CNBD1: variants seen among roughly 807,000 people sequenced by gnomAD.
CNBD1 encodes the protein cyclic nucleotide-binding domain-containing protein 1.
CNBD1 carries 71 observed loss-of-function variants against 54.4 expected under a neutral mutation model. The ratio of observed to expected loss-of-function variants is 1.30; its 90% confidence interval spans 1.08 to 1.59. The LOEUF (loss-of-function observed/expected upper bound fraction) is 1.59. Among genes scored for constraint, CNBD1 ranks in the 40% most tolerant of loss-of-function variants. CNBD1 has a pLI of 0.00. For synonymous variants in CNBD1, 182 were observed against 170.7 expected (o/e 1.07, Z -0.51); for missense variants, 659 against 518.0 (o/e 1.27, Z -2.64).
chr8:86,977,181 T>G (rs1182959187), intron 4 of CNBD1, among the ~76,000 whole-genome samples: 1 of 152,080 alleles, frequency 6.6e-6, no homozygotes, highest in Non-Finnish European at 1.5e-5. Flanking sequence ...GCCTTTATAG[T>G]GTTGGGGAAC....
intron 10 of CNBD1, among the ~76,000 whole-genome samples, chr8:87,365,842 C>T (rs778351690): frequency 3.2e-4 from 48 of 152,164 alleles, no homozygotes; most frequent in Non-Finnish European, 6.6e-4. Context: ...TTACAACTCA[C>T]AGGAAGCATT....
At chr8:87,132,391 G>A (rs2130727872) in intron 4 of CNBD1, among the ~76,000 whole-genome samples, 1 of 151,538 alleles carries the variant, frequency 6.6e-6, no homozygotes, top group South Asian at 2.1e-4. Context: ...AGTTAATAAA[G>A]TGAATATTTC....
intron 4 of CNBD1, among the ~76,000 whole-genome samples, chr8:87,121,923 T>C (rs966167950): frequency 1.3e-5 from 2 of 151,506 alleles, no homozygotes; most frequent in African/African-American, 2.4e-5. Flanking sequence ...ATATAATTTA[T>C]TGTCATATAT....
At chr8:87,218,997 G>T (rs1233922397) in intron 5 of CNBD1, among the ~76,000 whole-genome samples, 3 of 151,834 alleles carry the variant, frequency 2.0e-5, no homozygotes, top group East Asian at 1.9e-4. Context: ...CAAAGGCTTT[G>T]ATTTTAATAT....
At chr8:87,042,319 A>G (rs1383196247) in intron 4 of CNBD1, among the ~76,000 whole-genome samples, 2 of 152,216 alleles carry the variant, frequency 1.3e-5, no homozygotes, top group African/African-American at 4.8e-5. Flanking sequence ...CAAAGATACA[A>G]ATGAGCCATC....
At chr8:86,956,908 A>C (rs902949783) in intron 4 of CNBD1, among the ~76,000 whole-genome samples, 1 of 152,176 alleles carries the variant, frequency 6.6e-6, no homozygotes, top group African/African-American at 2.4e-5. Flanking sequence ...GTCTTGTGCC[A>C]GTTTTCAAAG....
intron 4 of CNBD1, among the ~76,000 whole-genome samples, chr8:86,949,028 C>T (rs934887170): frequency 6.6e-6 from 1 of 152,028 alleles, no homozygotes; most frequent in African/African-American, 2.4e-5. Flanking sequence ...CAGTGTATTT[C>T]TTGGTACCGT....
chr8:87,025,466 A>G (rs60811434), intron 4 of CNBD1, among the ~76,000 whole-genome samples: 4,622 of 151,854 alleles, frequency 0.03, 242 homozygotes, highest in African/African-American at 0.1. Flanking sequence ...AAACCCAGTG[A>G]GTGGAACAAA....
chr8:86,926,516 C>T (rs2131830058), intron 3 of CNBD1, among the ~76,000 whole-genome samples: 1 of 152,210 alleles, frequency 6.6e-6, no homozygotes, highest in Middle Eastern at 3.4e-3. Context: ...TGTCATGGGA[C>T]CTAGAAAGGG....
At chr8:87,352,077 T>A (rs1810309259) in intron 9 of CNBD1, among the ~76,000 whole-genome samples, 1 of 152,162 alleles carries the variant, frequency 6.6e-6, no homozygotes, top group Admixed American at 6.6e-5. Flanking sequence ...CATAGCCAGG[T>A]ACTACTACAA....
At chr8:87,351,929 G>C in intron 9 of CNBD1, 135 bp downstream of exon 9, 3 of 937,650 alleles carry the variant, frequency 3.2e-6, no homozygotes, top group Non-Finnish European at 4.3e-6. Flanking sequence ...TGAAATTTTT[G>C]TGTTTGTTTT....
intron 4 of CNBD1, among the ~76,000 whole-genome samples, chr8:87,017,182 C>A (rs1297437187): frequency 2.6e-5 from 4 of 152,168 alleles, no homozygotes; most frequent in Non-Finnish European, 5.9e-5. Context: ...CAAAAACATA[C>A]AGGTTAATAG....
intron 4 of CNBD1, among the ~76,000 whole-genome samples, chr8:87,035,571 C>T (rs1187602365): frequency 6.6e-6 from 1 of 152,156 alleles, no homozygotes; most frequent in Non-Finnish European, 1.5e-5. Flanking sequence ...ACCTTATTCA[C>T]AAGGGCAATT....
chr8:87,263,590 T>C (rs748333902), intron 6 of CNBD1, among the ~76,000 whole-genome samples: 1 of 152,184 alleles, frequency 6.6e-6, no homozygotes, highest in Non-Finnish European at 1.5e-5. Context: ...TAGAATAGTA[T>C]GACATCCAAC....
chr8:87,328,473 A>T (rs1809741295), intron 8 of CNBD1, among the ~76,000 whole-genome samples: 4 of 151,104 alleles, frequency 2.6e-5, no homozygotes, highest in Non-Finnish European at 5.9e-5. Context: ...ATTATATTTA[A>T]TTGGCCTTTG....
At chr8:87,425,106 A>C (rs890993165) in intron 2 of CNBD1, among the ~76,000 whole-genome samples, 11 of 151,756 alleles carry the variant, frequency 7.2e-5, no homozygotes, top group African/African-American at 2.4e-4. Flanking sequence ...CTTCCAGTTG[A>C]TCGCATCGGC....
intron 2 of CNBD1, among the ~76,000 whole-genome samples, chr8:87,395,243 A>G (rs564027201): frequency 8.6e-5 from 13 of 151,930 alleles, no homozygotes; most frequent in Admixed American, 3.3e-4. Flanking sequence ...TCATAGATGA[A>G]TTGAAATGTT....
At chr8:87,301,759 A>G (rs1265059267) in intron 8 of CNBD1, among the ~76,000 whole-genome samples, 1 of 152,196 alleles carries the variant, frequency 6.6e-6, no homozygotes, top group Admixed American at 6.6e-5. Flanking sequence ...CTGATGAAGA[A>G]AAGAGAGAAG....
chr8:87,126,764 A>G (rs1255120636), intron 4 of CNBD1, among the ~76,000 whole-genome samples: 1 of 151,954 alleles, frequency 6.6e-6, no homozygotes, highest in Non-Finnish European at 1.5e-5. Flanking sequence ...GAAGTTTTAT[A>G]GTTTTAGGCA....
Sources: gnomAD v4.1 joint callset for allele counts (sites outside exome capture counted in the v4.1 genomes callset) on GRCh38, gnomAD v4.1.1 for gene constraint, MANE v1.5 for transcripts, NCBI Gene and HGNC (gene_info 2026-07-23, HGNC 2026-07-21) for gene names.